Variants in LEF1 observed in about 807,000 individuals in gnomAD.
The protein encoded by LEF1 is lymphoid enhancer binding factor 1, also known as lymphoid enhancer-binding factor 1.
A neutral mutation model predicts 51.2 loss-of-function variants in LEF1; 14 were observed. The ratio of observed to expected loss-of-function variants is 0.27; its 90% confidence interval spans 0.18 to 0.43. The LOEUF is 0.43. Among genes scored for constraint, LEF1 ranks in the 20% least tolerant of loss-of-function variants. The probability of loss-of-function intolerance (pLI) is 1.00; values close to 1 mark genes in which losing one functional copy is unlikely to be tolerated. For missense variants in LEF1, 386 were observed against 512.0 expected (o/e 0.75, Z 2.37); for synonymous variants, 185 against 183.2 (o/e 1.01, Z -0.08).
intron 3 of LEF1, among the ~76,000 whole-genome samples, chr4:108,137,927 T>C (rs911057586): frequency 2.6e-5 from 4 of 152,220 alleles, no homozygotes; most frequent in South Asian, 2.1e-4. Flanking sequence ...CTTTAGTATA[T>C]TAACATTAAA....
intron 11 of LEF1, among the ~76,000 whole-genome samples, chr4:108,061,272 G>A (rs1461397139): frequency 6.6e-6 from 1 of 152,118 alleles, no homozygotes; most frequent in African/African-American, 2.4e-5. Context: ...AGGATAGAGA[G>A]AACATCTTAA....
intron 3 of LEF1, among the ~76,000 whole-genome samples, chr4:108,112,330 G>A (rs1013669243): frequency 3.9e-5 from 6 of 152,164 alleles, no homozygotes; most frequent in African/African-American, 4.8e-5. Flanking sequence ...TCAGTTTTTC[G>A]CTGCATGCCC....
chr4:108,116,508 C>T, intron 3 of LEF1, among the ~76,000 whole-genome samples: 1 of 152,170 alleles, frequency 6.6e-6, no homozygotes, highest in African/African-American at 2.4e-5. Context: ...GGCAACAGAG[C>T]AAGACTGTCT....
intron 11 of LEF1, among the ~76,000 whole-genome samples, chr4:108,057,575 G>T (rs1350162705): frequency 6.6e-6 from 1 of 152,152 alleles, no homozygotes; most frequent in Non-Finnish European, 1.5e-5. Flanking sequence ...CCTCAGGGTT[G>T]CAGTCCTCTC....
chr4:108,089,067 T>A (rs1235451471), intron 4 of LEF1, 58 bp downstream of exon 4: 1 of 1,569,830 alleles, frequency 6.4e-7, no homozygotes, highest in East Asian at 2.3e-5. Flanking sequence ...CTCAGGCTGA[T>A]GAGATTTGGC....
chr4:108,060,798 A>C (rs139191550), intron 11 of LEF1, among the ~76,000 whole-genome samples: 288 of 152,070 alleles, frequency 1.9e-3, no homozygotes, highest in South Asian at 3.7e-3. Context: ...CACTGTGAGA[A>C]TAGGGACCTT....
intron 3 of LEF1, among the ~76,000 whole-genome samples, chr4:108,113,737 C>A (rs1389891030): frequency 6.6e-6 from 1 of 152,130 alleles, no homozygotes; most frequent in Non-Finnish European, 1.5e-5. Flanking sequence ...GGATAAATTG[C>A]AGGTATGCAT....
chr4:108,148,007 C>T (rs912703870), intron 3 of LEF1, among the ~76,000 whole-genome samples: 9 of 152,088 alleles, frequency 5.9e-5, no homozygotes, highest in African/African-American at 2.2e-4. Context: ...TTAACAACAA[C>T]GATTTAAAAT....
chr4:108,089,807 AC>A (rs1739893616), intron 3 of LEF1, among the ~76,000 whole-genome samples: 1 of 152,192 alleles, frequency 6.6e-6, no homozygotes, highest in African/African-American at 2.4e-5. Context: ...TCTATGTTGT[AC>A]ATCTTTAAGA....
chr4:108,114,453 T>TATTGCAGAAACAACACACA (rs1277975149), intron 3 of LEF1, among the ~76,000 whole-genome samples: 1 of 152,148 alleles, frequency 6.6e-6, no homozygotes, highest in Non-Finnish European at 1.5e-5. Context: ...AGAAAGTGGT[T>TATTGCAGAAACAACACACA]ATTGCAGAAA....
intron 3 of LEF1, among the ~76,000 whole-genome samples, chr4:108,137,296 C>T (rs1162568018): frequency 6.6e-6 from 1 of 152,142 alleles, no homozygotes; most frequent in Non-Finnish European, 1.5e-5. Context: ...GGATAAAAGA[C>T]TCCACACTGG....
At chr4:108,054,966 G>A (rs1737224595) in intron 11 of LEF1, among the ~76,000 whole-genome samples, 1 of 152,204 alleles carries the variant, frequency 6.6e-6, no homozygotes, top group African/African-American at 2.4e-5. Context: ...CACTCATCTG[G>A]CTCTCAGTAA....
At chr4:108,143,893 T>C (rs1040964083) in intron 3 of LEF1, among the ~76,000 whole-genome samples, 2 of 152,130 alleles carry the variant, frequency 1.3e-5, no homozygotes, top group Non-Finnish European at 2.9e-5. Flanking sequence ...TCATTGAGAA[T>C]GGAGGTGACA....
chr4:108,136,043 G>T (rs1203063596), intron 3 of LEF1, among the ~76,000 whole-genome samples: 2 of 152,174 alleles, frequency 1.3e-5, no homozygotes, highest in African/African-American at 4.8e-5. Context: ...GGAAGGTGAT[G>T]ATGTGATGTG....
intron 11 of LEF1, among the ~76,000 whole-genome samples, chr4:108,059,268 C>A (rs184521405): frequency 4.6e-5 from 7 of 152,150 alleles, no homozygotes; most frequent in African/African-American, 1.7e-4. Flanking sequence ...ACTGCGCTGG[C>A]GCTGCCCATC....
chr4:108,125,736 C>T (rs1467993557), intron 3 of LEF1, among the ~76,000 whole-genome samples: 2 of 150,038 alleles, frequency 1.3e-5, no homozygotes, highest in African/African-American at 2.5e-5. Flanking sequence ...TTTTAGCACG[C>T]ATATTGGGAA....
At chr4:108,083,256 A>C in intron 5 of LEF1, 100 bp downstream of exon 5, 2 of 835,280 alleles carry the variant, frequency 2.4e-6, no homozygotes, top group Non-Finnish European at 4.2e-6. Context: ...AATTTCTTCA[A>C]CTCCACAAGT....
chr4:108,089,365 C>T, intron 3 of LEF1, 108 bp from the exon 4 acceptor site: 1 of 1,165,606 alleles, frequency 8.6e-7, no homozygotes. Context: ...CAACATAACC[C>T]AAGAATCACC....
At chr4:108,109,246 G>A (rs185263737) in intron 3 of LEF1, among the ~76,000 whole-genome samples, 1 of 152,350 alleles carries the variant, frequency 6.6e-6, no homozygotes, top group Admixed American at 6.5e-5. Context: ...TTTAGCCTGA[G>A]CACTTCCTCG....
Sources: gnomAD v4.1 joint callset for allele counts (sites outside exome capture counted in the v4.1 genomes callset) on GRCh38, gnomAD v4.1.1 for gene constraint, MANE v1.5 for transcripts, NCBI Gene and HGNC (gene_info 2026-07-23, HGNC 2026-07-21) for gene names.